The following ASTN2 variants were observed in gnomAD, a reference collection of about 807,000 sequenced individuals.
ASTN2 encodes the protein astrotactin-2.
ASTN2 carries 54 observed loss-of-function variants against 139.8 expected under a neutral mutation model. That is an observed-to-expected ratio of 0.39 (90% confidence interval 0.31 to 0.48). The LOEUF (loss-of-function observed/expected upper bound fraction) is 0.48, where lower values mean the gene tolerates loss of function less well. ASTN2 is among the 20% of genes least tolerant of loss of function. ASTN2 has a pLI of 0.95. For missense variants in ASTN2, 1,565 were observed against 1,725.1 expected, an observed-to-expected ratio of 0.91 and a Z score of 1.64; for synonymous variants, 756 against 719.5, an observed-to-expected ratio of 1.05 and a Z score of -0.81.
intron 17 of ASTN2, among the ~76,000 whole-genome samples, chr9:116,634,658 T>C (rs1856986685): frequency 6.6e-6 from 1 of 151,456 alleles, no homozygotes; most frequent in Admixed American, 6.6e-5. Flanking sequence ...CATGCTTATT[T>C]ACAGACAAAA....
intron 1 of ASTN2, among the ~76,000 whole-genome samples, chr9:117,407,881 C>T (rs948422462): frequency 2.6e-5 from 4 of 152,170 alleles, no homozygotes; most frequent in Non-Finnish European, 5.9e-5. Context: ...AGTATGAGAA[C>T]GTGGGAGAGT....
chr9:117,135,006 G>T (rs1328552928), intron 4 of ASTN2, among the ~76,000 whole-genome samples: 1 of 152,206 alleles, frequency 6.6e-6, no homozygotes, highest in Non-Finnish European at 1.5e-5. Context: ...CTCAGAGAGG[G>T]AGATGCCTCA....
chr9:117,120,713 C>T (rs998845127), intron 4 of ASTN2, among the ~76,000 whole-genome samples: 1 of 152,182 alleles, frequency 6.6e-6, no homozygotes, highest in Admixed American at 6.5e-5. Flanking sequence ...TGTGTTAAAA[C>T]TATCATAATG....
At chr9:117,101,310 G>T (rs547074539) in intron 4 of ASTN2, among the ~76,000 whole-genome samples, 1 of 152,272 alleles carries the variant, frequency 6.6e-6, no homozygotes, top group East Asian at 1.9e-4. Context: ...CTAGAAAAGG[G>T]CCCCCTCTGT....
chr9:116,588,649 T>G (rs7874852), intron 19 of ASTN2, among the ~76,000 whole-genome samples: 143,670 of 152,284 alleles, frequency 0.94, 67,846 homozygotes, highest in African/African-American at 0.98. Context: ...TTATATAGCT[T>G]TAGAATATTA....
chr9:117,058,333 G>A (rs998375307), intron 5 of ASTN2, among the ~76,000 whole-genome samples: 4 of 152,154 alleles, frequency 2.6e-5, no homozygotes, highest in African/African-American at 9.7e-5. Context: ...ATGGGCAAGA[G>A]TTTCAGCTGA....
At chr9:116,621,297 CCAAGT>C (rs1856133647) in intron 17 of ASTN2, among the ~76,000 whole-genome samples, 1 of 152,080 alleles carries the variant, frequency 6.6e-6, no homozygotes. Context: ...ACTTTATTTA[CCAAGT>C]CAAGTAGCAG....
chr9:117,055,976 TGCCATGTTGAGAGTG>T (rs1200987863), intron 5 of ASTN2, among the ~76,000 whole-genome samples: 3 of 152,248 alleles, frequency 2.0e-5, no homozygotes, highest in Non-Finnish European at 4.4e-5. Flanking sequence ...TGAAGCCAAA[TGCCATGTTGAGAGTG>T]GCCCTATGGC....
chr9:116,987,588 A>G (rs1325482950), intron 7 of ASTN2, among the ~76,000 whole-genome samples: 2 of 152,198 alleles, frequency 1.3e-5, no homozygotes. Flanking sequence ...AGTCAATTAA[A>G]GCTCTTTTCT....
Position 116,936,810 on chromosome 9 carries a change from C to A in ASTN2, c.1889+38398G>T, listed in dbSNP as rs139116559. Reference sequence around the variant, plus strand: ...CTCGTTCTCATTTACCAAAACTCTGCCCAAGGCTTGGCACACCTTGTTTAT... The same window carrying A: ...CTCGTTCTCATTTACCAAAACTCTGACCAAGGCTTGGCACACCTTGTTTAT... On this transcript the variant is annotated intron_variant, in intron 10 of 22. Transcript: ENST00000313400. Among the ~76,000 whole-genome samples the A allele has an allele frequency of 5.0e-3, 721 of 143,998 alleles. 8 individuals are homozygous for A. The highest frequency in any genetic ancestry group is 0.017 in the African/African-American group (701 of 40,488). The allele number at this position is 143,998 out of a possible 152,430, so 94.5% of individuals were successfully genotyped here. A position where few individuals can be genotyped will look rare whatever the true frequency, so the allele number is the denominator to read the frequency against.
intron 11 of ASTN2, among the ~76,000 whole-genome samples, chr9:116,861,214 TACACACACACACACACACACAC>T (rs60909208): frequency 4.2e-5 from 6 of 143,660 alleles, no homozygotes; most frequent in African/African-American, 8.0e-5. Context: ...AAGCCCAAGC[TACACACACACACACACACACAC>T]ACACACACAC....
intron 13 of ASTN2, among the ~76,000 whole-genome samples, chr9:116,766,279 C>T (rs1400822492): frequency 1.3e-5 from 2 of 152,024 alleles, no homozygotes; most frequent in Non-Finnish European, 2.9e-5. Context: ...ACACTCATCT[C>T]ACATTCACAA....
intron 1 of ASTN2, among the ~76,000 whole-genome samples, chr9:117,343,802 G>A (rs1829130982): frequency 6.6e-6 from 1 of 152,170 alleles, no homozygotes; most frequent in African/African-American, 2.4e-5. Context: ...TAAAGGCTGA[G>A]CTTTCTGCAT....
intron 11 of ASTN2, among the ~76,000 whole-genome samples, chr9:116,852,523 T>C (rs1160449318): frequency 6.6e-6 from 1 of 152,124 alleles, no homozygotes. Flanking sequence ...TATTGAGTGT[T>C]TGATGAAACC....
intron 10 of ASTN2, among the ~76,000 whole-genome samples, chr9:116,943,034 C>G (rs3860180): frequency 1.3e-5 from 2 of 152,142 alleles, no homozygotes; most frequent in Non-Finnish European, 2.9e-5. Flanking sequence ...GAAGTTATTA[C>G]GTGTTTGAGT....
At chr9:117,383,034 C>T (rs1830310717) in intron 1 of ASTN2, among the ~76,000 whole-genome samples, 1 of 152,096 alleles carries the variant, frequency 6.6e-6, no homozygotes, top group Non-Finnish European at 1.5e-5. Context: ...CTCAACTCTG[C>T]CAATATAGAG....
At chr9:116,572,034 C>T (rs932397236) in intron 19 of ASTN2, among the ~76,000 whole-genome samples, 1 of 152,086 alleles carries the variant, frequency 6.6e-6, no homozygotes, top group Non-Finnish European at 1.5e-5. Flanking sequence ...TTCTCTAAAT[C>T]CCCTGGCTGC....
chr9:117,129,555 T>C (rs912129514), intron 4 of ASTN2, among the ~76,000 whole-genome samples: 1 of 152,212 alleles, frequency 6.6e-6, no homozygotes, highest in Non-Finnish European at 1.5e-5. Flanking sequence ...ATTTTATATA[T>C]GTCCATTTTA....
chr9:116,840,819 T>C (rs1309229013), intron 11 of ASTN2, among the ~76,000 whole-genome samples: 13 of 149,350 alleles, frequency 8.7e-5, no homozygotes, highest in Admixed American at 3.3e-4. Context: ...CCAGATGTGA[T>C]GGTGGCCGGG....
Sources: gnomAD v4.1 joint callset for allele counts (sites outside exome capture counted in the v4.1 genomes callset) on GRCh38, gnomAD v4.1.1 for gene constraint, MANE v1.5 for transcripts, NCBI Gene and HGNC (gene_info 2026-07-23, HGNC 2026-07-21) for gene names.